PGAP1: variants seen among roughly 807,000 people sequenced by gnomAD.
The protein encoded by PGAP1 is GPI inositol-deacylase.
Under a neutral mutation model 127.0 loss-of-function variants are expected in PGAP1, and 76 were observed. That is an observed-to-expected ratio of 0.60 (90% CI 0.50 to 0.72). The LOEUF is 0.72. PGAP1 is among the 30% of genes least tolerant of loss of function. The pLI, the probability that PGAP1 is intolerant of heterozygous loss-of-function variation, is 0.00. For synonymous variants in PGAP1, 362 were observed against 366.5 expected (o/e 0.99, Z 0.14); for missense variants, 982 against 1,071.3 (o/e 0.92, Z 1.16).
intron 12 of PGAP1, among the ~76,000 whole-genome samples, chr2:196,880,915 C>T (rs1360550557): frequency 6.6e-6 from 1 of 152,100 alleles, no homozygotes; most frequent in Admixed American, 6.6e-5. Flanking sequence ...AAATTTGTTA[C>T]ACAGGTAAAC....
chr2:196,834,757 G>A lies in PGAP1; in HGVS notation c.*6477C>T, dbSNP rs1265349752. ...CAACAAATACATATTTGATTATATAGAAAGCATGATTATGTTAAATACAGG... is the reference window on the plus strand; with the variant it reads ...CAACAAATACATATTTGATTATATAAAAAGCATGATTATGTTAAATACAGG... On this transcript the variant is annotated 3_prime_UTR_variant, in exon 27 of 27. Transcript: ENST00000354764. 6.6e-6 allele frequency: 1 copy of A among 151,774 alleles called. No individual in the cohort carries two copies. Among genetic ancestry groups the A allele is most frequent in the East Asian group, 1.9e-4 (1 of 5,186 alleles). The allele number at this position is 151,774 out of a possible 1,614,324, so 9.4% of individuals were successfully genotyped here.
intron 2 of PGAP1, 108 bp downstream of exon 2, chr2:196,919,889 A>G (rs1369531126): frequency 3.5e-6 from 4 of 1,139,718 alleles, no homozygotes; most frequent in Non-Finnish European, 5.0e-6. Flanking sequence ...AGCACTTCAC[A>G]CACAGCATGC....
Position 196,836,692 on chromosome 2 carries a change from C to A in PGAP1, c.*4542G>T, listed in dbSNP as rs1700246125. 1 of 150,780 alleles carries A rather than the reference C, an allele frequency of 6.6e-6. No homozygotes were observed. Among genetic ancestry groups the A allele is most frequent in the Admixed American group, 6.6e-5 (1 of 15,114 alleles). The allele number at this position is 150,780 out of a possible 1,614,324, so 9.3% of individuals were successfully genotyped here. On this transcript the variant is annotated 3_prime_UTR_variant, in exon 27 of 27. Transcript: ENST00000354764. ...TACAGAATTTAAAACATTCTTAGTT[C>A]AAAAAAAAACTGGAATAAAATTTTG... is the stretch of plus-strand genomic sequence containing the variant.
chr2:196,912,072 A>G (rs945205317), intron 4 of PGAP1, among the ~76,000 whole-genome samples: 3 of 152,196 alleles, frequency 2.0e-5, no homozygotes, highest in African/African-American at 4.8e-5. Context: ...CATGAGGATA[A>G]TAATGGTGCC....
rs375123215 is a variant in PGAP1, at chr2:196,926,586, G to C, written c.31C>G (p.Leu11Val). The C allele has an allele frequency of 1.2e-6, 2 of 1,614,112 alleles. No individual in the cohort carries two copies. The highest frequency in any genetic ancestry group is 1.1e-5 in the South Asian group (1 of 91,088). The change falls in exon 1 of 27, where the codon CTG becomes GTG. Residue 11 changes from leucine to valine, a missense_variant. Physicochemically the swap from Leu to Val is conservative, Grantham distance 32. Coordinates refer to ENST00000354764, the MANE Select transcript of PGAP1 (RefSeq NM_024989.4). The part of the protein sequence containing the change: MFLHSVNLWN[L>V]AFYVFMVFLA... ...AAGACCATGAAGACATAAAACGCCA[G>C]GTTCCAGAGATTAACTGAGTGAAGA...
At chr2:196,893,781 T>C (rs957368188) in intron 7 of PGAP1, among the ~76,000 whole-genome samples, 1 of 152,208 alleles carries the variant, frequency 6.6e-6, no homozygotes, top group African/African-American at 2.4e-5. Context: ...TCCTTCTACC[T>C]GTTTTTTAAA....
chr2:196,888,763 A>C (rs929372661), intron 10 of PGAP1, among the ~76,000 whole-genome samples: 1 of 152,204 alleles, frequency 6.6e-6, no homozygotes, highest in African/African-American at 2.4e-5. Flanking sequence ...AGTGAATATC[A>C]GATGATACTA....
Position 196,902,305 on chromosome 2 carries a change from T to C in PGAP1, c.807+280A>G, listed in dbSNP as rs143902455. Among the ~76,000 whole-genome samples, 239 of 152,346 alleles carry C rather than the reference T, an allele frequency of 1.6e-3. 1 individual carries two copies. The highest frequency in any genetic ancestry group is 4.9e-3 in the African/African-American group (203 of 41,586). ...CTCCTGCCTTGGCCTCACAAAGCAC[T>C]AGAATTATAGGCATAAGCCATGGTT... On this transcript the variant is annotated intron_variant, in intron 5 of 26. Coordinates refer to ENST00000354764, the MANE Select transcript of PGAP1 (RefSeq NM_024989.4).
intron 20 of PGAP1, among the ~76,000 whole-genome samples, chr2:196,860,612 G>T (rs1159179872): frequency 1.3e-5 from 2 of 151,910 alleles, no homozygotes; most frequent in Non-Finnish European, 2.9e-5. Context: ...TTATATCTAG[G>T]AATAAATGTA....
chr2:196,902,104 C>T (rs1316581217), intron 5 of PGAP1, among the ~76,000 whole-genome samples: 1 of 152,164 alleles, frequency 6.6e-6, no homozygotes, highest in African/African-American at 2.4e-5. Flanking sequence ...ACTATAACCT[C>T]GAACTCCTGG....
Position 196,846,999 on chromosome 2 carries a change from T to G in PGAP1, c.2150+4A>C, listed in dbSNP as rs768061027. 6.2e-7 allele frequency: 1 copy of G among 1,608,898 alleles called. No individual in the cohort carries two copies. The highest frequency in any genetic ancestry group is 1.1e-5 in the South Asian group (1 of 90,492). On this transcript the variant is annotated splice_donor_region_variant and intron_variant, in intron 22 of 26. Transcript: ENST00000354764. ...AAGAAAGCTGTTAATCATTCATTCT[T>G]TACCTTTTCAAAGCTAGCCACAATG...
rs1018876954 is a variant in PGAP1, at chr2:196,840,151, C to T, written c.*1083G>A. 4 of 152,224 alleles carry T rather than the reference C, an allele frequency of 2.6e-5. No homozygotes were observed. Among genetic ancestry groups the T allele is most frequent in the African/African-American group, 9.6e-5 (4 of 41,456 alleles). 9.4% of individuals were successfully genotyped at this position (152,224 alleles called of 1,614,324 possible). A position where few individuals can be genotyped will look rare whatever the true frequency, so the allele number is the denominator to read the frequency against. Reference sequence around the variant, plus strand: ...GTCACCTAGGCAAATCAAGATTCCACTGTTAAACCTAGTGGCTAATGTCTC... The same window carrying T: ...GTCACCTAGGCAAATCAAGATTCCATTGTTAAACCTAGTGGCTAATGTCTC... On this transcript the variant is annotated 3_prime_UTR_variant, in exon 27 of 27. Transcript: ENST00000354764.
At chr2:196,924,309 G>A (rs1703303384) in intron 1 of PGAP1, among the ~76,000 whole-genome samples, 1 of 152,100 alleles carries the variant, frequency 6.6e-6, no homozygotes, top group Non-Finnish European at 1.5e-5. Flanking sequence ...TCACATCTGG[G>A]TATCAACCTG....
intron 3 of PGAP1, among the ~76,000 whole-genome samples, chr2:196,914,401 A>T (rs1322583156): frequency 6.6e-6 from 1 of 152,172 alleles, no homozygotes; most frequent in Non-Finnish European, 1.5e-5. Context: ...TAGGTGGATC[A>T]CTTCAGGTCA....
intron 12 of PGAP1, 54 bp downstream of exon 12, chr2:196,885,370 T>C (rs1576153690): frequency 6.6e-6 from 8 of 1,213,798 alleles, no homozygotes; most frequent in Admixed American, 3.9e-5. Flanking sequence ...AAAATGTGTA[T>C]AGACTCAAGT....
At chr2:196,894,272 C>A (rs1274718145) in intron 7 of PGAP1, among the ~76,000 whole-genome samples, 1 of 152,162 alleles carries the variant, frequency 6.6e-6, no homozygotes, top group Non-Finnish European at 1.5e-5. Context: ...GGTCCCTTCA[C>A]CATTCTGATT....
chr2:196,867,521 T>G (rs1183733483), intron 19 of PGAP1, among the ~76,000 whole-genome samples: 1 of 152,160 alleles, frequency 6.6e-6, no homozygotes. Context: ...AAATACCTAA[T>G]GTAGATGACG....
chr2:196,878,185 G>C (rs529943770), intron 13 of PGAP1, among the ~76,000 whole-genome samples: 2 of 152,000 alleles, frequency 1.3e-5, no homozygotes, highest in Non-Finnish European at 2.9e-5. Context: ...CAAAATGCAT[G>C]GAACTAGAAG....
At chr2:196,849,407 G>A (rs748658426) in intron 20 of PGAP1, among the ~76,000 whole-genome samples, 1 of 151,210 alleles carries the variant, frequency 6.6e-6, no homozygotes, top group Non-Finnish European at 1.5e-5. Context: ...GGGACTACAG[G>A]CACGTGCCAC....
Sources: allele counts gnomAD v4.1 joint callset (sites outside exome capture counted in the v4.1 genomes callset), GRCh38; gene constraint gnomAD v4.1.1; transcripts MANE v1.5; gene names NCBI Gene and HGNC (gene_info 2026-07-23, HGNC 2026-07-21).